The following PTPN9 variants were observed in gnomAD, a reference collection of about 807,000 sequenced individuals.
The protein encoded by PTPN9 is protein tyrosine phosphatase non-receptor type 9, also known as tyrosine-protein phosphatase non-receptor type 9.
In PTPN9, 26 loss-of-function variants were observed where a neutral mutation model predicts 69.8. That is an observed-to-expected ratio of 0.37 (90% confidence interval 0.27 to 0.52). The LOEUF (loss-of-function observed/expected upper bound fraction) is 0.52, where lower values mean the gene tolerates loss of function less well. Ranked by LOEUF, PTPN9 falls within the 20% of genes least tolerant of loss-of-function variation. The pLI is 0.91. For synonymous variants in PTPN9, 274 were observed against 272.5 expected, an observed-to-expected ratio of 1.01 and a Z score of -0.05; for missense variants, 549 against 740.3, an observed-to-expected ratio of 0.74 and a Z score of 3.00.
chr15:75,505,770 C>T lies in PTPN9; in HGVS notation c.873G>A (p.Leu291=), dbSNP rs1056013590. The stretch of plus-strand genomic sequence containing the variant: ...TTTGCCTGGCATTAACATAGTCCAC[C>T]AACTCTTGGATGGTCATAGCATGGG... ...PGPHAMTIQE[L]VDYVNARQKQ... is the part of the protein sequence containing the mutation. Residue 291 remains leucine, a synonymous_variant, in exon 7 of 13, where the codon TTG becomes TTA. Coordinates refer to ENST00000618819, the MANE Select transcript of PTPN9 (RefSeq NM_002833.4). 10 of 1,614,046 alleles carry T rather than the reference C, an allele frequency of 6.2e-6. No homozygotes were observed. The African/African-American group carries it at 1.3e-4, about 22-fold the overall frequency.
chr15:75,471,843 C>T lies in PTPN9; in HGVS notation c.1209-1013G>A, dbSNP rs150594227. ...GGCAGAATAGCTTCAACCTGGGAGG[C>T]GGAGGTTGCAGTGAGCTGAGATCGC... On this transcript the variant is annotated intron_variant, in intron 10 of 12. Coordinates refer to ENST00000618819, the MANE Select transcript of PTPN9 (RefSeq NM_002833.4). 2.1e-3 allele frequency among the ~76,000 whole-genome samples: 324 copies of T among 151,208 alleles called. 2 individuals carry two copies. The highest frequency in any genetic ancestry group is 7.3e-3 in the African/African-American group (302 of 41,202).
At chr15:75,503,614 C>G (rs1230818835) in intron 7 of PTPN9, among the ~76,000 whole-genome samples, 1 of 142,156 alleles carries the variant, frequency 7.0e-6, no homozygotes, top group Admixed American at 6.8e-5. Flanking sequence ...GCCCCCCGCC[C>G]GGCCAGCCGC....
At chr15:75,501,021 A>G (rs113921905) in intron 7 of PTPN9, among the ~76,000 whole-genome samples, 250 of 152,300 alleles carry the variant, frequency 1.6e-3, no homozygotes, top group African/African-American at 5.8e-3. Flanking sequence ...CCTTGTTGAT[A>G]TATGGTCTGT....
chr15:75,485,354 CTTTTTTTTTTTTTTT>C (rs891447336), intron 8 of PTPN9, among the ~76,000 whole-genome samples: 1 of 78,752 alleles, frequency 1.3e-5, no homozygotes, highest in South Asian at 4.8e-4. Context: ...ATTGTCACTT[CTTTTTTTTTTTTTTT>C]TTTTTTTTTT....
At chr15:75,547,804 T>G (rs2075040009) in intron 1 of PTPN9, among the ~76,000 whole-genome samples, 1 of 151,984 alleles carries the variant, frequency 6.6e-6, no homozygotes, top group Admixed American at 6.6e-5. Flanking sequence ...TAGCTGGGAT[T>G]ACAGGCATGC....
intron 7 of PTPN9, among the ~76,000 whole-genome samples, chr15:75,504,095 G>T (rs1308410320): frequency 1.1e-5 from 1 of 89,064 alleles, no homozygotes; most frequent in Non-Finnish European, 2.2e-5. Flanking sequence ...TCAGCACCCC[G>T]CCCGGACAGC....
intron 5 of PTPN9, among the ~76,000 whole-genome samples, chr15:75,514,815 C>A (rs2074861253): frequency 6.6e-6 from 1 of 151,998 alleles, no homozygotes; most frequent in Admixed American, 6.5e-5. Context: ...TAGTTAATTT[C>A]ACTAATAAAA....
At chr15:75,540,956 G>A (rs897363063) in intron 1 of PTPN9, among the ~76,000 whole-genome samples, 1 of 151,870 alleles carries the variant, frequency 6.6e-6, no homozygotes. Context: ...GTGCACACCT[G>A]TAGTCCCAGG....
intron 7 of PTPN9, among the ~76,000 whole-genome samples, chr15:75,503,810 G>C (rs1459879857): frequency 8.2e-6 from 1 of 121,666 alleles, no homozygotes; most frequent in Non-Finnish European, 1.8e-5. Context: ...GAGGTGGGGG[G>C]GTCAGCCCCC....
At chr15:75,567,555 A>G (rs77451577) in intron 1 of PTPN9, among the ~76,000 whole-genome samples, 27,726 of 152,170 alleles carry the variant, frequency 0.18, 3,165 homozygotes, top group Non-Finnish European at 0.26. Context: ...TACTGTAGAA[A>G]TAAATTCTGG....
At chr15:75,473,870 T>A in intron 9 of PTPN9, 103 bp from the exon 10 acceptor site, 1 of 843,382 alleles carries the variant, frequency 1.2e-6, no homozygotes, top group Non-Finnish European at 2.0e-6. Flanking sequence ...AAACCATAGA[T>A]GGTTAGCTCC....
At chr15:75,490,129 C>T (rs940967971) in intron 8 of PTPN9, 79 bp downstream of exon 8, 47 of 1,150,300 alleles carry the variant, frequency 4.1e-5, no homozygotes, top group Middle Eastern at 1.9e-4. Context: ...TTCATTCTAC[C>T]GAAGTATTAG....
intron 6 of PTPN9, among the ~76,000 whole-genome samples, chr15:75,507,909 A>G (rs888242486): frequency 6.6e-6 from 1 of 151,622 alleles, no homozygotes; most frequent in African/African-American, 2.4e-5. Context: ...TGGGTGTGGT[A>G]GCGTGCGCCT....
intron 10 of PTPN9, among the ~76,000 whole-genome samples, chr15:75,472,936 G>A (rs528638494): frequency 6.6e-6 from 1 of 151,770 alleles, no homozygotes; most frequent in South Asian, 2.1e-4. Flanking sequence ...GTGGCAGAGT[G>A]AGACTCCATC....
Position 75,467,706 on chromosome 15 carries a change from T to G in PTPN9, c.*1063A>C, listed in dbSNP as rs977986496. The G allele has an allele frequency of 6.6e-6, 1 of 152,616 alleles. No individual in the cohort carries two copies. The highest frequency in any genetic ancestry group is 2.4e-5 in the African/African-American group (1 of 41,440). 9.5% of individuals were successfully genotyped at this position (152,616 alleles called of 1,614,324 possible). ...TTTCTCATACCTGGGCTCCCCCTCC[T>G]TCCTTCTAAGATTCGTACCGATTGC... is the stretch of plus-strand genomic sequence containing the variant. On this transcript the variant is annotated 3_prime_UTR_variant, in exon 13 of 13. Transcript: ENST00000618819.
chr15:75,467,099 G>A lies in PTPN9; in HGVS notation c.*1670C>T, dbSNP rs527516089. 2.0e-5 allele frequency: 3 copies of A among 152,364 alleles called. No homozygotes were observed. Among genetic ancestry groups the A allele is most frequent in the Non-Finnish European group, 2.9e-5 (2 of 68,028 alleles). The allele number at this position is 152,364 out of a possible 1,614,324, so 9.4% of individuals were successfully genotyped here. Reference sequence around the variant, plus strand: ...GACCCCCTCCCTCATGTCCCAGGCTGCTAAATTGATGAAGCTAAAAGGGTT... The same window carrying A: ...GACCCCCTCCCTCATGTCCCAGGCTACTAAATTGATGAAGCTAAAAGGGTT... On this transcript the variant is annotated 3_prime_UTR_variant, in exon 13 of 13. Coordinates refer to ENST00000618819, the MANE Select transcript of PTPN9 (RefSeq NM_002833.4).
At chr15:75,558,858 T>C (rs1337714002) in intron 1 of PTPN9, among the ~76,000 whole-genome samples, 4 of 152,162 alleles carry the variant, frequency 2.6e-5, no homozygotes, top group African/African-American at 9.6e-5. Flanking sequence ...TGGAGTGCAG[T>C]GGCGTGATCT....
At chr15:75,504,515 G>A (rs1438950953) in intron 7 of PTPN9, among the ~76,000 whole-genome samples, 2 of 139,018 alleles carry the variant, frequency 1.4e-5, no homozygotes, top group South Asian at 2.3e-4. Flanking sequence ...GGGAGGTGGG[G>A]GGGGTCAGCC....
chr15:75,488,951 G>A (rs1051682510), intron 8 of PTPN9, among the ~76,000 whole-genome samples: 17 of 151,950 alleles, frequency 1.1e-4, no homozygotes, highest in Admixed American at 5.9e-4. Flanking sequence ...CGAGACGGGC[G>A]GATCACGAGG....
Sources: allele counts gnomAD v4.1 joint callset (sites outside exome capture counted in the v4.1 genomes callset), GRCh38; gene constraint gnomAD v4.1.1; transcripts MANE v1.5; gene names NCBI Gene and HGNC (gene_info 2026-07-23, HGNC 2026-07-21).